The following MAP3K7 variants were observed in gnomAD, a reference collection of about 807,000 sequenced individuals.
MAP3K7 encodes the protein TGF-beta activated kinase 1.
A neutral mutation model predicts 84.8 loss-of-function variants in MAP3K7; 21 were observed. The ratio of observed to expected loss-of-function variants is 0.25; its 90% confidence interval spans 0.18 to 0.36. MAP3K7 has a LOEUF of 0.36. MAP3K7 is among the 10% of genes least tolerant of loss of function. The pLI is 1.00. For synonymous variants in MAP3K7, 241 were observed against 247.7 expected (o/e 0.97, Z 0.25); for missense variants, 503 against 747.7 (o/e 0.67, Z 3.82).
Position 90,565,119 on chromosome 6 carries a change from A to G in MAP3K7, c.297+3439T>C, listed in dbSNP as rs553252200. Among the ~76,000 whole-genome samples the G allele has an allele frequency of 3.1e-3, 469 of 152,332 alleles. 3 individuals carry two copies. The highest frequency in any genetic ancestry group is 1.9e-3 in the Non-Finnish European group (130 of 68,024). On this transcript the variant is annotated intron_variant, in intron 3 of 16. Transcript: ENST00000369329. ...CAAGAGAAAGCAGGAAAGATCTAAA[A>G]TTGACACCCTAACATCACAATTAAA...
chr6:90,570,565 G>A (rs184871328), intron 2 of MAP3K7, among the ~76,000 whole-genome samples: 1 of 152,264 alleles, frequency 6.6e-6, no homozygotes, highest in African/African-American at 2.4e-5. Flanking sequence ...GAAGGAATGA[G>A]CTCAAAGTAG....
intron 11 of MAP3K7, among the ~76,000 whole-genome samples, chr6:90,546,875 A>C (rs187225915): frequency 2.8e-4 from 43 of 152,322 alleles, no homozygotes; most frequent in African/African-American, 1.0e-3. Flanking sequence ...TTGAAACAAA[A>C]TATTTGCTAT....
At chr6:90,519,441 A>G (rs2127954896) in intron 14 of MAP3K7, 122 bp from the exon 15 acceptor site, 1 of 651,196 alleles carries the variant, frequency 1.5e-6, no homozygotes, top group Non-Finnish European at 2.7e-6. Flanking sequence ...TAAAAGTTAC[A>G]GCTATTGGTA....
chr6:90,518,834 C>T (rs1352986808), intron 15 of MAP3K7, among the ~76,000 whole-genome samples: 3 of 151,700 alleles, frequency 2.0e-5, no homozygotes, highest in African/African-American at 7.3e-5. Context: ...AGGCTGCAAA[C>T]AGGCTCAAAC....
intron 5 of MAP3K7, among the ~76,000 whole-genome samples, chr6:90,557,490 A>G (rs865920739): frequency 6.6e-6 from 1 of 152,224 alleles, no homozygotes; most frequent in Non-Finnish European, 1.5e-5. Flanking sequence ...TCACAGTTCC[A>G]TAATACCAAA....
rs1220579334 is a variant in MAP3K7, at chr6:90,556,596, G to A, written c.511C>T (p.Leu171=). 1.9e-6 allele frequency: 3 copies of A among 1,611,314 alleles called. No homozygotes were observed. Among genetic ancestry groups the A allele is most frequent in the South Asian group, 1.1e-5 (1 of 90,708 alleles). The change falls in exon 6 of 17, where the codon CTA becomes TTA. Residue 171 remains leucine, a synonymous_variant. Coordinates refer to ENST00000369329, the MANE Select transcript of MAP3K7 (RefSeq NM_145331.3). ...GCTGTACCAAAATCACAAATTTTTA[G>A]AACTGTCCCCCCTGCAACCAGCAGT... ...NLLLVAGGTV[L]KICDFGTACD...
rs35467094 is a variant in MAP3K7 at position 90,571,915 on chromosome 6, TA to T, written c.121-109del. ...AAAGTCAATCTTTAAGACTTTAAATTAAAAAAAAAAAAAACATGGAAATCAA... is the reference window on the plus strand; with the variant it reads ...AAAGTCAATCTTTAAGACTTTAAATTAAAAAAAAAAAAACATGGAAATCAA... On this transcript the variant is annotated intron_variant, in intron 1 of 16. Coordinates refer to ENST00000369329, the MANE Select transcript of MAP3K7 (RefSeq NM_145331.3). The T allele has an allele frequency of 0.56, 221,866 of 393,744 alleles. 39,896 individuals carry two copies. Among genetic ancestry groups the T allele is most frequent in the African/African-American group, 0.63 (29,469 of 46,446 alleles). The allele number at this position is 393,744 out of a possible 1,614,324, so 24.4% of individuals were successfully genotyped here. A position where few individuals can be genotyped will look rare whatever the true frequency, so the allele number is the denominator to read the frequency against.
intron 1 of MAP3K7, among the ~76,000 whole-genome samples, chr6:90,576,224 C>G (rs1468756573): frequency 6.6e-6 from 1 of 151,820 alleles, no homozygotes; most frequent in Non-Finnish European, 1.5e-5. Context: ...GAGATTGAGA[C>G]CATCCTGGCT....
At chr6:90,569,545 A>G (rs1776831831) in intron 2 of MAP3K7, among the ~76,000 whole-genome samples, 1 of 152,012 alleles carries the variant, frequency 6.6e-6, no homozygotes, top group Non-Finnish European at 1.5e-5. Context: ...CAGTGGTACA[A>G]TCTTGGGTCA....
intron 1 of MAP3K7, among the ~76,000 whole-genome samples, chr6:90,576,904 C>T (rs1456010582): frequency 6.6e-6 from 1 of 152,084 alleles, no homozygotes; most frequent in Admixed American, 6.5e-5. Context: ...GGATCCTGAA[C>T]GGCTCTACCT....
chr6:90,519,028 T>C (rs1775062468), intron 15 of MAP3K7, among the ~76,000 whole-genome samples: 1 of 151,916 alleles, frequency 6.6e-6, no homozygotes, highest in Non-Finnish European at 1.5e-5. Context: ...TAAAGAAAGA[T>C]ACTGGAGGAT....
intron 1 of MAP3K7, among the ~76,000 whole-genome samples, chr6:90,574,012 T>C (rs964079370): frequency 5.3e-5 from 8 of 152,202 alleles, no homozygotes; most frequent in African/African-American, 1.9e-4. Context: ...TTAGAATAAA[T>C]GAAAGAGCAC....
rs369899231 is a variant in MAP3K7, at chr6:90,586,751, G to C, written c.120+13C>G. The C allele has an allele frequency of 1.3e-6, 2 of 1,574,316 alleles. No individual in the cohort carries two copies. Among genetic ancestry groups the C allele is most frequent in the African/African-American group, 1.4e-5 (1 of 73,850 alleles). ...AGGCCGGGACCGGCGTCTCCATGCC[G>C]GGCCTCGCTCACCTCTTCCACCTCG... On this transcript the variant is annotated intron_variant, in intron 1 of 16. Transcript: ENST00000369329.
chr6:90,530,438 T>G (rs1007077256), intron 13 of MAP3K7, among the ~76,000 whole-genome samples: 4 of 152,182 alleles, frequency 2.6e-5, no homozygotes, highest in Non-Finnish European at 4.4e-5. Flanking sequence ...GCAAAATGAT[T>G]CTTTGCTACA....
At chr6:90,567,474 C>A (rs1052654750) in intron 3 of MAP3K7, among the ~76,000 whole-genome samples, 38 of 152,346 alleles carry the variant, frequency 2.5e-4, no homozygotes, top group African/African-American at 9.1e-4. Flanking sequence ...TGCTCATCAT[C>A]ACTGGCCATC....
chr6:90,518,713 C>CA (rs1775051627), intron 15 of MAP3K7, 151 bp from the exon 16 acceptor site: 1 of 600,354 alleles, frequency 1.7e-6, no homozygotes, highest in African/African-American at 1.9e-5. Flanking sequence ...TAGAAAATCT[C>CA]AGTGTCCTTT....
intron 3 of MAP3K7, among the ~76,000 whole-genome samples, chr6:90,564,074 A>C (rs1776615940): frequency 1.3e-5 from 2 of 152,246 alleles, no homozygotes; most frequent in South Asian, 4.1e-4. Flanking sequence ...GGAAGCACTA[A>C]ACATGGAAAG....
intron 2 of MAP3K7, 150 bp from the exon 3 acceptor site, chr6:90,568,773 C>T: frequency 1.7e-6 from 1 of 590,848 alleles, no homozygotes. Context: ...CAATCATAGT[C>T]ACTGAAAATA....
intron 9 of MAP3K7, among the ~76,000 whole-genome samples, 162 bp downstream of exon 9, chr6:90,550,306 A>G (rs1417541812): frequency 6.6e-6 from 1 of 152,188 alleles, no homozygotes; most frequent in Non-Finnish European, 1.5e-5. Flanking sequence ...GGGTACCTAC[A>G]TGAAGAATGA....
Sources: allele counts gnomAD v4.1 joint callset (sites outside exome capture counted in the v4.1 genomes callset), GRCh38; gene constraint gnomAD v4.1.1; transcripts MANE v1.5; gene names NCBI Gene and HGNC (gene_info 2026-07-23, HGNC 2026-07-21).